The following ZDHHC3 variants were observed in gnomAD, a reference collection of about 807,000 sequenced individuals.
ZDHHC3 encodes the protein palmitoyltransferase ZDHHC3.
In ZDHHC3, 9 loss-of-function variants were observed where a neutral mutation model predicts 30.6. The observed-to-expected ratio is 0.29, with a 90% CI of 0.18 to 0.51. The LOEUF (loss-of-function observed/expected upper bound fraction) is 0.51. Among genes scored for constraint, ZDHHC3 ranks in the 20% least tolerant of loss-of-function variants. The probability of loss-of-function intolerance (pLI) is 0.97; values close to 1 mark genes in which losing one functional copy is unlikely to be tolerated. For missense variants in ZDHHC3, 246 were observed against 384.2 expected, an observed-to-expected ratio of 0.64 and a Z score of 3.01; for synonymous variants, 136 against 140.2, an observed-to-expected ratio of 0.97 and a Z score of 0.21.
At chr3:44,958,083 A>G (rs768573059) in intron 2 of ZDHHC3, among the ~76,000 whole-genome samples, 4 of 152,196 alleles carry the variant, frequency 2.6e-5, no homozygotes, top group Non-Finnish European at 4.4e-5. Flanking sequence ...TCCCGCATGC[A>G]GTGCTAAATA....
intron 2 of ZDHHC3, among the ~76,000 whole-genome samples, chr3:44,951,975 A>G (rs1355837563): frequency 1.3e-5 from 2 of 151,946 alleles, no homozygotes; most frequent in African/African-American, 4.8e-5. Context: ...TTCCCTGCTC[A>G]TTCTGCACTC....
chr3:44,960,561 T>C (rs1309483148), intron 1 of ZDHHC3, among the ~76,000 whole-genome samples: 3 of 152,236 alleles, frequency 2.0e-5, no homozygotes, highest in Non-Finnish European at 2.9e-5. Context: ...ACAGAAAGCA[T>C]AGATTTCCCT....
intron 6 of ZDHHC3, among the ~76,000 whole-genome samples, chr3:44,927,538 GTGGCATGGCCAGGCCAGCCAGCA>G (rs1393162655): frequency 6.6e-6 from 1 of 152,214 alleles, no homozygotes; most frequent in African/African-American, 2.4e-5. Context: ...AGGTTAGAGG[GTGGCATGGCCAGGCCAGCCAGCA>G]TGGCATGGCA....
intron 3 of ZDHHC3, among the ~76,000 whole-genome samples, chr3:44,934,291 C>T (rs1701753697): frequency 6.6e-6 from 1 of 152,048 alleles, no homozygotes; most frequent in African/African-American, 2.4e-5. Flanking sequence ...ATGGGGCTTA[C>T]GATTTGGTTT....
At chr3:44,974,116 A>G (rs1337975391) in intron 1 of ZDHHC3, among the ~76,000 whole-genome samples, 7 of 152,250 alleles carry the variant, frequency 4.6e-5, no homozygotes, top group African/African-American at 7.2e-5. Flanking sequence ...GAAGACTGTC[A>G]TTGTTTTAGT....
chr3:44,928,750 G>T (rs769707648), intron 6 of ZDHHC3, among the ~76,000 whole-genome samples: 2 of 152,192 alleles, frequency 1.3e-5, no homozygotes, highest in African/African-American at 4.8e-5. Context: ...GGTGATGGTA[G>T]GGGTGAGGAG....
rs1700938117 is a variant in ZDHHC3, at chr3:44,925,824, G to A, written c.*865C>T. 19 of 985,778 alleles carry A rather than the reference G, an allele frequency of 1.9e-5. No individual in the cohort carries two copies. The South Asian group carries it at 8.9e-4, about 46-fold the overall frequency. 61.1% of individuals were successfully genotyped at this position (985,778 alleles called of 1,614,324 possible). On this transcript the variant is annotated 3_prime_UTR_variant, in exon 7 of 7. Coordinates refer to ENST00000424952, the MANE Select transcript of ZDHHC3 (RefSeq NM_001135179.2). ...GCCTATTGCAGTCAGAATTCACACT[G>A]CTTAATTGACATCTTGCTGGGGAAG...
At chr3:44,970,410 C>T (rs1705313504) in intron 1 of ZDHHC3, among the ~76,000 whole-genome samples, 1 of 152,196 alleles carries the variant, frequency 6.6e-6, no homozygotes, top group Non-Finnish European at 1.5e-5. Context: ...AGTTTACTCC[C>T]AATCCTGCCA....
At chr3:44,962,739 G>C (rs150740781) in intron 1 of ZDHHC3, among the ~76,000 whole-genome samples, 9 of 152,152 alleles carry the variant, frequency 5.9e-5, no homozygotes, top group Non-Finnish European at 1.2e-4. Flanking sequence ...TATAATTGCC[G>C]TTCTGGCATC....
At position 44,922,956 on chromosome 3, in the gene ZDHHC3, T is replaced by C. The variant is rs910654761; in HGVS notation, c.*3733A>G. On this transcript the variant is annotated 3_prime_UTR_variant, in exon 7 of 7. Coordinates refer to ENST00000424952, the MANE Select transcript of ZDHHC3 (RefSeq NM_001135179.2). ...CTGGCTGGCTCACCCTTTAAGCTGA[T>C]GCACTGCAAGTCTTGAAAAGAGAGA... 7 of 985,288 alleles carry C rather than the reference T, an allele frequency of 7.1e-6. No homozygotes were observed. In the South Asian group the frequency reaches 2.8e-4, roughly 40 times the overall value. The allele number at this position is 985,288 out of a possible 1,614,324, so 61.0% of individuals were successfully genotyped here. A position where few individuals can be genotyped will look rare whatever the true frequency, so the allele number is the denominator to read the frequency against.
At chr3:44,949,086 C>T (rs1703208162) in intron 2 of ZDHHC3, among the ~76,000 whole-genome samples, 1 of 147,976 alleles carries the variant, frequency 6.8e-6, no homozygotes. Flanking sequence ...CATTTCATTA[C>T]TTTTTTTTTT....
chr3:44,933,431 G>A (rs1559666238), intron 4 of ZDHHC3: 8 of 591,920 alleles, frequency 1.4e-5, no homozygotes, highest in Non-Finnish European at 2.1e-5. Context: ...ACAGAAGCAA[G>A]CCCGTCACCA....
At position 44,976,147 on chromosome 3, in the gene ZDHHC3, G is replaced by T. The variant is rs1397548585; in HGVS notation, c.-239C>A. The T allele has an allele frequency of 1.3e-5, 9 of 711,942 alleles. No individual in the cohort carries two copies. In the South Asian group the frequency reaches 2.8e-4, roughly 22 times the overall value. 44.1% of individuals were successfully genotyped at this position (711,942 alleles called of 1,614,324 possible). A position where few individuals can be genotyped will look rare whatever the true frequency, so the allele number is the denominator to read the frequency against. ...CTCTCCCGGCAGTGGCGGCGGCCGC[G>T]GCTGCAGGAGCGGCCGCCGCGCAGG... On this transcript the variant is annotated 5_prime_UTR_variant, in exon 1 of 7. Coordinates refer to ENST00000424952, the MANE Select transcript of ZDHHC3 (RefSeq NM_001135179.2).
rs1327885952 is a variant in ZDHHC3, at chr3:44,976,136, G to A, written c.-228C>T. 1.6e-6 allele frequency: 1 copy of A among 606,502 alleles called. No homozygotes were observed. Among genetic ancestry groups the A allele is most frequent in the Non-Finnish European group, 2.5e-6 (1 of 396,606 alleles). The allele number at this position is 606,502 out of a possible 1,614,324, so 37.6% of individuals were successfully genotyped here. On this transcript the variant is annotated 5_prime_UTR_variant, in exon 1 of 7. Coordinates refer to ENST00000424952, the MANE Select transcript of ZDHHC3 (RefSeq NM_001135179.2). ...AGCCCATCGAGCTCTCCCGGCAGTG[G>A]CGGCGGCCGCGGCTGCAGGAGCGGC...
chr3:44,933,787 G>T, intron 4 of ZDHHC3, 101 bp downstream of exon 4: 1 of 1,065,892 alleles, frequency 9.4e-7, no homozygotes, highest in Non-Finnish European at 1.4e-6. Context: ...GGGCCAGGCA[G>T]TATTCTGAGC....
intron 1 of ZDHHC3, among the ~76,000 whole-genome samples, chr3:44,965,004 C>T (rs893965911): frequency 5.3e-5 from 8 of 152,058 alleles, no homozygotes; most frequent in Non-Finnish European, 1.2e-4. Flanking sequence ...ACAGGGGAAA[C>T]GGATCCACAG....
chr3:44,971,825 T>G (rs935400155), intron 1 of ZDHHC3, among the ~76,000 whole-genome samples: 1 of 152,242 alleles, frequency 6.6e-6, no homozygotes, highest in African/African-American at 2.4e-5. Context: ...AGAAGACAGA[T>G]GAAGACCTGC....
At chr3:44,972,821 G>A (rs1331380432) in intron 1 of ZDHHC3, among the ~76,000 whole-genome samples, 1 of 152,080 alleles carries the variant, frequency 6.6e-6, no homozygotes, top group African/African-American at 2.4e-5. Flanking sequence ...ATCTCTTTAT[G>A]CCCATAAGAA....
rs1704289528 is a variant in ZDHHC3, at chr3:44,959,625, C to T, written c.-24-165G>A. Among the ~76,000 whole-genome samples, 1 of 152,208 alleles carries T rather than the reference C, an allele frequency of 6.6e-6. No individual in the cohort carries two copies. The highest frequency in any genetic ancestry group is 1.5e-5 in the Non-Finnish European group (1 of 68,040). On this transcript the variant is annotated intron_variant, in intron 1 of 6. Coordinates refer to ENST00000424952, the MANE Select transcript of ZDHHC3 (RefSeq NM_001135179.2). The surrounding 1 kb of genome is among the most constrained non-coding windows in gnomAD (Gnocchi z 4.3). ...AAAACATGAGTTCTCTTCCCTGATT[C>T]TGAGAGTCAATTTAGCCTTCTTGAA... is the stretch of plus-strand genomic sequence containing the variant.
Sources: gnomAD v4.1 joint callset for allele counts (sites outside exome capture counted in the v4.1 genomes callset) on GRCh38, gnomAD v4.1.1 for gene constraint, Gnocchi (gnomAD v3.1) non-coding constraint, MANE v1.5 for transcripts, NCBI Gene and HGNC (gene_info 2026-07-23, HGNC 2026-07-21) for gene names.